IRF2: variants seen among roughly 807,000 people sequenced by gnomAD.
IRF2 encodes the protein interferon regulatory factor 2.
In IRF2, 15 loss-of-function variants were observed where a neutral mutation model predicts 40.6. The observed-to-expected ratio is 0.37, with a 90% CI of 0.25 to 0.57. The LOEUF is 0.57. Among genes scored for constraint, IRF2 ranks in the 20% least tolerant of loss-of-function variants. The pLI is 0.77. For synonymous variants in IRF2, 151 were observed against 165.5 expected (o/e 0.91, Z 0.67); for missense variants, 317 against 455.7 (o/e 0.70, Z 2.77).
intron 1 of IRF2, 128 bp from the exon 2 acceptor site, chr4:184,429,198 G>T (rs531524621): frequency 4.6e-6 from 3 of 651,860 alleles, no homozygotes; most frequent in East Asian, 2.8e-5. Context: ...GGGGGCTGGG[G>T]GGTCGGTGTA....
chr4:184,421,569 C>T (rs112092594), intron 2 of IRF2, among the ~76,000 whole-genome samples: 61 of 152,134 alleles, frequency 4.0e-4, no homozygotes, highest in African/African-American at 1.3e-3. Context: ...GAATCTAAAG[C>T]TTTATGCTTA....
At chr4:184,418,419 G>A in intron 4 of IRF2, 113 bp downstream of exon 4, 1 of 1,063,772 alleles carries the variant, frequency 9.4e-7, no homozygotes, top group Middle Eastern at 2.0e-4. Context: ...ATCCCCTACA[G>A]CATGAACAGG....
intron 5 of IRF2, among the ~76,000 whole-genome samples, chr4:184,416,025 A>C (rs1319883759): frequency 6.6e-6 from 1 of 152,220 alleles, no homozygotes; most frequent in African/African-American, 2.4e-5. Flanking sequence ...TAGGCCTTAA[A>C]AATACAAACT....
chr4:184,396,623 G>A (rs1240772188), intron 7 of IRF2, among the ~76,000 whole-genome samples: 1 of 151,506 alleles, frequency 6.6e-6, no homozygotes, highest in African/African-American at 2.4e-5. Flanking sequence ...TTTTGTAGAA[G>A]TGTGGTCTCA....
intron 2 of IRF2, among the ~76,000 whole-genome samples, chr4:184,420,558 G>A (rs1047728629): frequency 6.6e-6 from 1 of 152,176 alleles, no homozygotes; most frequent in African/African-American, 2.4e-5. Context: ...CTCTCTCAGT[G>A]TTGAGGTCTG....
chr4:184,473,728 GC>G (rs1296394510), intron 1 of IRF2, among the ~76,000 whole-genome samples: 3 of 146,746 alleles, frequency 2.0e-5, no homozygotes, highest in Non-Finnish European at 4.5e-5. Flanking sequence ...CTGGACCGCC[GC>G]GGGGCGCCCC....
intron 5 of IRF2, among the ~76,000 whole-genome samples, chr4:184,411,090 C>A (rs558434115): frequency 4.7e-5 from 7 of 150,292 alleles, no homozygotes; most frequent in African/African-American, 1.7e-4. Flanking sequence ...TGGGGTGTCA[C>A]ACTATCACCC....
chr4:184,415,346 G>A (rs1036134968), intron 5 of IRF2, among the ~76,000 whole-genome samples: 7 of 152,172 alleles, frequency 4.6e-5, no homozygotes, highest in South Asian at 4.1e-4. Context: ...TGACCCACAC[G>A]GCTGCACCTA....
intron 8 of IRF2, among the ~76,000 whole-genome samples, 187 bp downstream of exon 8, chr4:184,390,516 C>T (rs939575145): frequency 1.3e-5 from 2 of 152,162 alleles, no homozygotes; most frequent in African/African-American, 4.8e-5. Context: ...GTTCCAACGC[C>T]GAATTTTATA....
At chr4:184,417,949 T>C (rs911208484) in intron 5 of IRF2, among the ~76,000 whole-genome samples, 2 of 152,158 alleles carry the variant, frequency 1.3e-5, no homozygotes, top group African/African-American at 4.8e-5. Context: ...GTGACTTCAT[T>C]CATAAATTTC....
intron 1 of IRF2, chr4:184,472,365 C>G (rs1739542055): frequency 6.6e-6 from 1 of 152,254 alleles, no homozygotes. Context: ...TGGTCTAACC[C>G]CAGACCCCGT....
chr4:184,433,616 C>T (rs1737970528), intron 1 of IRF2, among the ~76,000 whole-genome samples: 1 of 152,044 alleles, frequency 6.6e-6, no homozygotes, highest in African/African-American at 2.4e-5. Context: ...AAAAAATAAA[C>T]TTAAAAAGGG....
intron 2 of IRF2, among the ~76,000 whole-genome samples, chr4:184,422,803 G>C (rs777891094): frequency 9.2e-5 from 14 of 152,286 alleles, no homozygotes; most frequent in East Asian, 5.8e-4. Context: ...CACAAGCTAG[G>C]GGGGAGGGAA....
At chr4:184,423,437 C>T (rs1283762518) in intron 2 of IRF2, among the ~76,000 whole-genome samples, 10 of 152,210 alleles carry the variant, frequency 6.6e-5, no homozygotes. Flanking sequence ...TCTCCTCTGC[C>T]TCTTCTTCCC....
At chr4:184,455,979 A>G (rs1170690874) in intron 1 of IRF2, among the ~76,000 whole-genome samples, 1 of 152,252 alleles carries the variant, frequency 6.6e-6, no homozygotes, top group African/African-American at 2.4e-5. Flanking sequence ...TGCAAAGACG[A>G]AGGTGGGCAC....
intron 7 of IRF2, among the ~76,000 whole-genome samples, chr4:184,397,723 C>T (rs1258598721): frequency 6.6e-6 from 1 of 152,172 alleles, no homozygotes; most frequent in Non-Finnish European, 1.5e-5. Flanking sequence ...GAACTATTTG[C>T]TAGAGCTGAA....
Position 184,423,659 on chromosome 4 carries a change from C to T in IRF2, c.88-4091G>A, listed in dbSNP as rs559531844. Reference sequence around the variant, plus strand: ...CAGAGTTGGGGGTCACATGGAGCCACGAGAGAAACCAGGACCCCGGATGTG... The same window carrying T: ...CAGAGTTGGGGGTCACATGGAGCCATGAGAGAAACCAGGACCCCGGATGTG... On this transcript the variant is annotated intron_variant, in intron 2 of 8. Transcript: ENST00000393593. Among the ~76,000 whole-genome samples, 145 of 152,218 alleles carry T rather than the reference C, an allele frequency of 9.5e-4. 1 individual carries two copies. The highest frequency in any genetic ancestry group is 1.6e-3 in the Non-Finnish European group (111 of 68,012).
At chr4:184,417,887 C>T (rs906402751) in intron 5 of IRF2, among the ~76,000 whole-genome samples, 21 of 152,304 alleles carry the variant, frequency 1.4e-4, no homozygotes, top group Middle Eastern at 3.4e-3. Flanking sequence ...CCACTGGCAA[C>T]GGCTGTGGTG....
chr4:184,412,005 TAAAAAAAAAAAAA>T (rs35183333), intron 5 of IRF2, among the ~76,000 whole-genome samples: 2 of 95,236 alleles, frequency 2.1e-5, no homozygotes, highest in Non-Finnish European at 2.0e-5. Flanking sequence ...CTCCAAAGAT[TAAAAAAAAAAAAA>T]AAAAAAAAAA....
Sources: allele counts gnomAD v4.1 joint callset (sites outside exome capture counted in the v4.1 genomes callset), GRCh38; gene constraint gnomAD v4.1.1; transcripts MANE v1.5; gene names NCBI Gene and HGNC (gene_info 2026-07-23, HGNC 2026-07-21).